Variants in FOXN3 observed in about 807,000 individuals in gnomAD.
FOXN3 encodes forkhead box protein N3.
FOXN3 carries 7 observed loss-of-function variants against 38.4 expected under a neutral mutation model. That is an observed-to-expected ratio of 0.18 (90% CI 0.10 to 0.34). FOXN3 has a LOEUF of 0.34. Ranked by LOEUF, FOXN3 falls within the 10% of genes least tolerant of loss-of-function variation. The probability of loss-of-function intolerance (pLI) is 1.00; values close to 1 mark genes in which losing one functional copy is unlikely to be tolerated. For missense variants in FOXN3, 456 were observed against 613.4 expected (o/e 0.74, Z 2.71); for synonymous variants, 230 against 242.2 (o/e 0.95, Z 0.47).
intron 1 of FOXN3, among the ~76,000 whole-genome samples, chr14:89,582,486 C>A (rs1346448298): frequency 8.3e-6 from 1 of 119,776 alleles, no homozygotes; most frequent in Non-Finnish European, 1.7e-5. Flanking sequence ...TTTAAACTCA[C>A]CTTTTTTTTT....
At chr14:89,168,964 T>C (rs1887316157) in intron 5 of FOXN3, among the ~76,000 whole-genome samples, 1 of 152,246 alleles carries the variant, frequency 6.6e-6, no homozygotes, top group African/African-American at 2.4e-5. Flanking sequence ...ACTGTCGATC[T>C]AGAATTTTAT....
intron 4 of FOXN3, among the ~76,000 whole-genome samples, chr14:89,277,507 C>T (rs1367741163): frequency 1.3e-5 from 2 of 152,128 alleles, no homozygotes; most frequent in Non-Finnish European, 2.9e-5. Context: ...GTTAAGTACC[C>T]ATGCCTGGTG....
chr14:89,384,543 T>C (rs941260785), intron 2 of FOXN3, among the ~76,000 whole-genome samples: 4 of 152,216 alleles, frequency 2.6e-5, no homozygotes, highest in African/African-American at 9.6e-5. Flanking sequence ...CTTGGAAAAC[T>C]GTTTTTGTAA....
intron 3 of FOXN3, among the ~76,000 whole-genome samples, chr14:89,317,680 T>C (rs1887762169): frequency 6.6e-6 from 1 of 152,008 alleles, no homozygotes; most frequent in African/African-American, 2.4e-5. Context: ...GCACCTTTGA[T>C]TGCAACAATT....
At chr14:89,324,018 A>G (rs74078091) in intron 3 of FOXN3, among the ~76,000 whole-genome samples, 3,778 of 152,266 alleles carry the variant, frequency 0.025, 144 homozygotes, top group African/African-American at 0.086. Flanking sequence ...CTCCTCAGAT[A>G]CAGCTTAAGT....
intron 2 of FOXN3, among the ~76,000 whole-genome samples, chr14:89,389,098 C>T (rs949091653): frequency 6.6e-6 from 1 of 152,060 alleles, no homozygotes; most frequent in African/African-American, 2.4e-5. Flanking sequence ...CAGGCAGACT[C>T]CAGCAGGGAG....
intron 1 of FOXN3, among the ~76,000 whole-genome samples, chr14:89,441,922 CTTT>C (rs35118856): frequency 5.3e-5 from 4 of 75,438 alleles, no homozygotes; most frequent in Non-Finnish European, 5.4e-5. Flanking sequence ...AACCGGCTGA[CTTT>C]TTTTTTTTTT....
intron 4 of FOXN3, among the ~76,000 whole-genome samples, chr14:89,256,583 T>C (rs1283082762): frequency 1.3e-5 from 2 of 152,204 alleles, no homozygotes; most frequent in Non-Finnish European, 1.5e-5. Context: ...CCTCTGATGC[T>C]TGGCCCATCC....
At chr14:89,475,432 G>C (rs1893191404) in intron 1 of FOXN3, among the ~76,000 whole-genome samples, 1 of 152,082 alleles carries the variant, frequency 6.6e-6, no homozygotes. Flanking sequence ...GAGGTGGGAG[G>C]ATTGCTTGAG....
At chr14:89,555,546 C>G (rs1895099317) in intron 1 of FOXN3, among the ~76,000 whole-genome samples, 1 of 152,116 alleles carries the variant, frequency 6.6e-6, no homozygotes, top group Non-Finnish European at 1.5e-5. Flanking sequence ...TATTTTCTGT[C>G]AACTGCATGT....
intron 4 of FOXN3, among the ~76,000 whole-genome samples, chr14:89,226,958 G>C (rs10134785): frequency 0.52 from 78,385 of 151,968 alleles, 20,531 homozygotes; most frequent in Middle Eastern, 0.64. Context: ...TCAGACTTCT[G>C]ATCTCTGAAA....
intron 1 of FOXN3, among the ~76,000 whole-genome samples, chr14:89,524,100 C>T (rs1287322): frequency 0.39 from 56,975 of 146,384 alleles, 11,506 homozygotes; most frequent in East Asian, 0.61. Flanking sequence ...TAGAGCTGGG[C>T]ACGGTGGCTC....
intron 1 of FOXN3, among the ~76,000 whole-genome samples, chr14:89,478,956 A>G: frequency 6.6e-6 from 1 of 151,186 alleles, no homozygotes; most frequent in Non-Finnish European, 1.5e-5. Flanking sequence ...AAAAATTACC[A>G]CAACACCTCT....
intron 3 of FOXN3, among the ~76,000 whole-genome samples, chr14:89,322,160 T>C (rs1015411938): frequency 2.0e-5 from 3 of 152,140 alleles, no homozygotes; most frequent in African/African-American, 7.2e-5. Flanking sequence ...CGGGACCCCA[T>C]AATGGCTCTG....
Position 89,281,134 on chromosome 14 carries a change from A to G in FOXN3, c.681-120T>C. 5.1e-6 allele frequency: 4 copies of G among 786,960 alleles called. No homozygotes were observed. The South Asian group carries it at 6.4e-5, about 13-fold the overall frequency. 48.7% of individuals were successfully genotyped at this position (786,960 alleles called of 1,614,324 possible). On this transcript the variant is annotated intron_variant, in intron 3 of 5. Transcript: ENST00000557258. The stretch of plus-strand genomic sequence containing the variant: ...TATGCATTACTGACACCCTTTGAAA[A>G]TGCATCCTCGAAAACCATGAGGTCT...
intron 1 of FOXN3, among the ~76,000 whole-genome samples, chr14:89,474,515 C>A (rs1472051457): frequency 2.0e-5 from 3 of 152,168 alleles, no homozygotes; most frequent in African/African-American, 7.2e-5. Context: ...GCATCATGCT[C>A]TTTTATGGAG....
At chr14:89,399,763 G>A (rs1156371968) in intron 2 of FOXN3, among the ~76,000 whole-genome samples, 2 of 152,210 alleles carry the variant, frequency 1.3e-5, no homozygotes, top group Admixed American at 1.3e-4. Flanking sequence ...GGGGCCGTGT[G>A]TGCGGCTCTA....
intron 4 of FOXN3, among the ~76,000 whole-genome samples, chr14:89,215,041 G>A (rs1434309106): frequency 1.3e-5 from 2 of 152,148 alleles, no homozygotes; most frequent in Non-Finnish European, 2.9e-5. Context: ...AAAATATTTT[G>A]CAAGGCGTCT....
intron 1 of FOXN3, among the ~76,000 whole-genome samples, chr14:89,527,811 C>G (rs1042408151): frequency 6.6e-6 from 1 of 151,574 alleles, no homozygotes; most frequent in African/African-American, 2.4e-5. Context: ...AAGCAATTCT[C>G]CTGCCTCAGT....
Sources: allele counts gnomAD v4.1 joint callset (sites outside exome capture counted in the v4.1 genomes callset), GRCh38; gene constraint gnomAD v4.1.1; transcripts MANE v1.5; gene names NCBI Gene and HGNC (gene_info 2026-07-23, HGNC 2026-07-21).